Variants in CTSH observed in about 807,000 individuals in gnomAD.
CTSH encodes the protein pro-cathepsin H.
In CTSH, 52 loss-of-function variants were observed where a neutral mutation model predicts 56.3. The observed-to-expected ratio is 0.92, with a 90% CI of 0.74 to 1.16. The LOEUF is 1.16. Ranked by LOEUF, CTSH falls within the 50% of genes most tolerant of loss-of-function variation. The pLI, the probability that CTSH is intolerant of heterozygous loss-of-function variation, is 0.00. For missense variants in CTSH, 406 were observed against 424.5 expected, an observed-to-expected ratio of 0.96 and a Z score of 0.38; for synonymous variants, 174 against 155.7, an observed-to-expected ratio of 1.12 and a Z score of -0.88.
chr15:78,931,710 G>C (rs1307431129), intron 6 of CTSH: 1 of 1,447,066 alleles, frequency 6.9e-7, no homozygotes, highest in Non-Finnish European at 9.1e-7. Context: ...TGTCGGGAGG[G>C]GCTCAGTAAG....
Position 78,923,072 on chromosome 15 carries a change from C to T in CTSH, c.853G>A (p.Ala285Thr). 1 of 1,613,314 alleles carries T rather than the reference C, an allele frequency of 6.2e-7. No homozygotes were observed. The highest frequency in any genetic ancestry group is 8.5e-7 in the Non-Finnish European group (1 of 1,179,772). Reference sequence around the variant, plus strand: ...CCATTTTTTTCTCCATACCCAACAGCCAGTACTGCATGGTTTACTTTATCT... The same window carrying T: ...CCATTTTTTTCTCCATACCCAACAGTCAGTACTGCATGGTTTACTTTATCT... ...TPDKVNHAVLAVGYGEKNGIP... is the reference protein window; with the variant it reads ...TPDKVNHAVLTVGYGEKNGIP... The change falls in exon 11 of 12, where the codon GCT (alanine) becomes ACT (threonine). Residue 285 changes from alanine (A) to threonine (T), a missense_variant. Ala to Thr is a moderately conservative substitution (Grantham distance 58). Coordinates refer to ENST00000220166, the MANE Select transcript of CTSH (RefSeq NM_004390.5).
intron 7 of CTSH, among the ~76,000 whole-genome samples, chr15:78,929,803 C>T (rs183884997): frequency 1.1e-4 from 16 of 152,306 alleles, no homozygotes; most frequent in Middle Eastern, 3.4e-3. Context: ...GCACTGTCAT[C>T]GCCACAGCCG....
At chr15:78,925,278 G>A (rs2054878350) in intron 10 of CTSH, 56 bp downstream of exon 10, 5 of 1,125,636 alleles carry the variant, frequency 4.4e-6, no homozygotes, top group East Asian at 4.8e-5. Flanking sequence ...GGGGTGTGAG[G>A]AGGCCCACCA....
intron 2 of CTSH, chr15:78,937,921 CA>C: frequency 1.3e-6 from 1 of 745,862 alleles, no homozygotes; most frequent in Non-Finnish European, 1.9e-6. Flanking sequence ...GTGTAATAAT[CA>C]AATCAAGGTC....
intron 1 of CTSH, among the ~76,000 whole-genome samples, chr15:78,943,212 C>T (rs1436944819): frequency 6.6e-6 from 1 of 152,070 alleles, no homozygotes; most frequent in East Asian, 1.9e-4. Context: ...AATACCTTGC[C>T]TGGATTTACA....
intron 11 of CTSH, 100 bp downstream of exon 11, chr15:78,922,893 G>T (rs576058973): frequency 7.0e-7 from 1 of 1,428,140 alleles, no homozygotes; most frequent in East Asian, 2.4e-5. Flanking sequence ...TGACCAGCTC[G>T]TCTGTGGAAG....
At chr15:78,933,221 T>G (rs892180581) in intron 5 of CTSH, among the ~76,000 whole-genome samples, 2 of 152,252 alleles carry the variant, frequency 1.3e-5, no homozygotes, top group Admixed American at 6.5e-5. Flanking sequence ...ATCCCAGCTC[T>G]GCCACACACC....
intron 9 of CTSH, chr15:78,927,494 G>GTGGT: frequency 1.7e-6 from 1 of 580,156 alleles, no homozygotes; most frequent in South Asian, 2.2e-5. Flanking sequence ...TGTGGATCTG[G>GTGGT]AGTTCAGAAC....
intron 4 of CTSH, 101 bp downstream of exon 4, chr15:78,935,578 TG>T (rs2055158002): frequency 1.0e-6 from 1 of 957,586 alleles, no homozygotes. Context: ...CAGCTGCATC[TG>T]GGGATGGGAC....
At chr15:78,925,779 A>G (rs551697880) in intron 9 of CTSH, 2 of 237,210 alleles carry the variant, frequency 8.4e-6, no homozygotes, top group Non-Finnish European at 1.7e-5. Context: ...CCCAGAGTCT[A>G]CAAAGCTTTG....
intron 9 of CTSH, 84 bp downstream of exon 9, chr15:78,927,629 C>A: frequency 8.2e-7 from 1 of 1,218,796 alleles, no homozygotes; most frequent in Admixed American, 1.7e-5. Flanking sequence ...GGCTGCCTTG[C>A]TGGGCCCACT....
Position 78,929,426 on chromosome 15 carries a change from G to T in CTSH, c.616C>A (p.Pro206Thr). 1 of 1,612,482 alleles carries T rather than the reference G, an allele frequency of 6.2e-7. No individual in the cohort carries two copies. Among genetic ancestry groups the T allele is most frequent in the Non-Finnish European group, 8.5e-7 (1 of 1,179,078 alleles). Reference protein sequence around the residue: ...NKGIMGEDTYPYQGKDGYCKF... With the variant: ...NKGIMGEDTYTYQGKDGYCKF... ...GTTGGAGTTACCTTGCCCTGGTAGGGGTAGGTGTCTTCACCCATGATCCCC... is the reference window on the plus strand; with the variant it reads ...GTTGGAGTTACCTTGCCCTGGTAGGTGTAGGTGTCTTCACCCATGATCCCC... Residue 206 changes from proline (P) to threonine (T), a missense_variant, in exon 8 of 12, where the codon CCC becomes ACC. Coordinates refer to ENST00000220166, the MANE Select transcript of CTSH (RefSeq NM_004390.5).
chr15:78,931,789 C>T lies in CTSH; in HGVS notation c.493-283G>A, dbSNP rs572776605. The T allele has an allele frequency of 1.5e-3, 1,998 of 1,365,890 alleles. 14 individuals carry two copies. Among genetic ancestry groups the T allele is most frequent in the Non-Finnish European group, 1.3e-3 (1,424 of 1,055,750 alleles). 84.6% of individuals were successfully genotyped at this position (1,365,890 alleles called of 1,614,324 possible). On this transcript the variant is annotated intron_variant, in intron 6 of 11. Transcript: ENST00000220166. Reference sequence around the variant, plus strand: ...TCCAAACCCCTGCCCCGTAGGTGTGCCCATACGATGCAGAGTGTGGGGTCC... The same window carrying T: ...TCCAAACCCCTGCCCCGTAGGTGTGTCCATACGATGCAGAGTGTGGGGTCC...
At chr15:78,942,232 T>A (rs1451734025) in intron 1 of CTSH, among the ~76,000 whole-genome samples, 35 of 147,978 alleles carry the variant, frequency 2.4e-4, no homozygotes, top group African/African-American at 9.0e-4. Flanking sequence ...TTTTTTTTTT[T>A]TGAGAAGGAG....
chr15:78,944,784 A>G, intron 1 of CTSH, 107 bp downstream of exon 1: 1 of 1,396,230 alleles, frequency 7.2e-7, no homozygotes, highest in Non-Finnish European at 9.4e-7. Flanking sequence ...TCACCGGGGA[A>G]AGCTCTGCCC....
At chr15:78,924,122 G>A (rs1228241973) in intron 10 of CTSH, among the ~76,000 whole-genome samples, 1 of 141,742 alleles carries the variant, frequency 7.1e-6, no homozygotes, top group African/African-American at 2.6e-5. Flanking sequence ...GGTGGGCAGG[G>A]TGGGTCAGGG....
At chr15:78,926,882 A>G (rs781496856) in intron 9 of CTSH, 10 of 152,382 alleles carry the variant, frequency 6.6e-5, no homozygotes, top group Non-Finnish European at 8.8e-5. Flanking sequence ...GAAGTACTCC[A>G]TCAAGTTAAG....
Position 78,932,392 on chromosome 15 carries a change from T to A in CTSH, c.472A>T (p.Thr158Ser). The A allele has an allele frequency of 6.2e-7, 1 of 1,614,080 alleles. No individual in the cohort carries two copies. The highest frequency in any genetic ancestry group is 8.5e-7 in the Non-Finnish European group (1 of 1,179,956). ...GALESAIAIATGKMLSLAEQQ... is the reference protein window; with the variant it reads ...GALESAIAIASGKMLSLAEQQ... ...CTTACCAAGGACAGCATCTTTCCGG[T>A]TGCGATGGCGATCGCAGACTCCAGG... Residue 158 changes from threonine (T) to serine (S), a missense_variant, in exon 6 of 12, where the codon ACC becomes TCC. Physicochemically the swap from Thr to Ser is moderately conservative, Grantham distance 58. Transcript: ENST00000220166.
intron 8 of CTSH, among the ~76,000 whole-genome samples, chr15:78,929,150 T>C (rs546985863): frequency 5.9e-5 from 9 of 151,790 alleles, no homozygotes; most frequent in Admixed American, 5.9e-4. Flanking sequence ...GGAGGGGTCC[T>C]GAGAAGTCTG....
Sources: allele counts gnomAD v4.1 joint callset (sites outside exome capture counted in the v4.1 genomes callset), GRCh38; gene constraint gnomAD v4.1.1; transcripts MANE v1.5; gene names NCBI Gene and HGNC (gene_info 2026-07-23, HGNC 2026-07-21).